The following C11orf68 variants were observed in gnomAD, a reference collection of about 807,000 sequenced individuals.
The protein encoded by C11orf68 is UPF0696 protein C11orf68.
C11orf68 carries 3 observed loss-of-function variants against 4.7 expected under a neutral mutation model. That is an observed-to-expected ratio of 0.64 (90% CI 0.29 to 1.66). The LOEUF (loss-of-function observed/expected upper bound fraction) is 1.66, where lower values mean the gene tolerates loss of function less well. Among genes scored for constraint, C11orf68 ranks in the 40% most tolerant of loss-of-function variants. The pLI, the probability that C11orf68 is intolerant of heterozygous loss-of-function variation, is 0.10. For synonymous variants in C11orf68, 186 were observed against 167.8 expected, an observed-to-expected ratio of 1.11 and a Z score of -0.84; for missense variants, 422 against 408.0, an observed-to-expected ratio of 1.03 and a Z score of -0.30.
At chr11:65,918,475 A>G in intron 1 of C11orf68, 3 of 425,988 alleles carry the variant, frequency 7.0e-6, no homozygotes, top group South Asian at 6.3e-5. Flanking sequence ...GCTGAGAAAA[A>G]GGACTTGCCC....
chr11:65,918,435 T>A, intron 1 of C11orf68: 1 of 498,672 alleles, frequency 2.0e-6, no homozygotes, highest in Non-Finnish European at 3.3e-6. Flanking sequence ...TTATTACTAT[T>A]CTCCTTGACT....
chr11:65,917,867 GCGCAGGGTAC>G lies in C11orf68; in HGVS notation c.464_473del (p.Gly155AlafsTer45). On this transcript the variant is annotated frameshift_variant, in exon 2 of 2. Coordinates refer to ENST00000438576, the MANE Select transcript of C11orf68 (RefSeq NM_001135635.2). LOFTEE classifies it low-confidence loss of function (END_TRUNC). ...GCACGTGGTGGGTGATGGCGAGCTG[GCGCAGGGTAC>G]CCGGTGTGATGGGCCGCCCACTGGT... 1 of 1,611,200 alleles carries G rather than the reference GCGCAGGGTAC, an allele frequency of 6.2e-7. No individual in the cohort carries two copies. Among genetic ancestry groups the G allele is most frequent in the Non-Finnish European group, 8.5e-7 (1 of 1,179,992 alleles).
rs1317348666 is a variant in C11orf68, at chr11:65,918,993, C to T, written c.39G>A (p.Gly13=). The T allele has an allele frequency of 1.7e-6, 2 of 1,167,232 alleles. No individual in the cohort carries two copies. The highest frequency in any genetic ancestry group is 4.8e-5 in the Admixed American group (1 of 21,028). 72.3% of individuals were successfully genotyped at this position (1,167,232 alleles called of 1,614,324 possible). ...GTGGCTCCGCGCCACCGCCACCGCGCCCCACCCCCGCCACGGCCGCCGCCG... is the reference window on the plus strand; with the variant it reads ...GTGGCTCCGCGCCACCGCCACCGCGTCCCACCCCCGCCACGGCCGCCGCCG... ...AAAAAAVAGV[G]RGGGGAEPRQ... is the part of the protein sequence containing the mutation. Residue 13 remains glycine, a synonymous_variant, in exon 1 of 2, where the codon GGG becomes GGA. Coordinates refer to ENST00000438576, the MANE Select transcript of C11orf68 (RefSeq NM_001135635.2).
In C11orf68 at chr11:65,918,236, C is replaced by T. The variant is rs754255448; in HGVS notation, c.123-18G>A. The stretch of plus-strand genomic sequence containing the variant: ...CCATCCTGCTGTGAGGGAACCGAGT[C>T]AGGGCAGGGTCTGAGACAATAACTA... On this transcript the variant is annotated intron_variant, in intron 1 of 1. Transcript: ENST00000438576. 1 of 1,504,552 alleles carries T rather than the reference C, an allele frequency of 6.6e-7. No homozygotes were observed. Among genetic ancestry groups the T allele is most frequent in the South Asian group, 1.3e-5 (1 of 74,438 alleles). 93.2% of individuals were successfully genotyped at this position (1,504,552 alleles called of 1,614,324 possible). A position where few individuals can be genotyped will look rare whatever the true frequency, so the allele number is the denominator to read the frequency against.
chr11:65,917,152 T>A lies in C11orf68; in HGVS notation c.*307A>T. On this transcript the variant is annotated 3_prime_UTR_variant, in exon 2 of 2. Coordinates refer to ENST00000438576, the MANE Select transcript of C11orf68 (RefSeq NM_001135635.2). ...GGGGAGGTATAGCGGGGGATGAGCGTTCCAAGAAGTCTCTCCTTCTAGGTG... is the reference window on the plus strand; with the variant it reads ...GGGGAGGTATAGCGGGGGATGAGCGATCCAAGAAGTCTCTCCTTCTAGGTG... 2.9e-6 allele frequency: 1 copy of A among 347,414 alleles called. No homozygotes were observed. The highest frequency in any genetic ancestry group is 5.3e-6 in the Non-Finnish European group (1 of 189,374). The allele number at this position is 347,414 out of a possible 1,614,324, so 21.5% of individuals were successfully genotyped here.
chr11:65,917,637 C>G lies in C11orf68; in HGVS notation c.704G>C (p.Arg235Pro). The change falls in exon 2 of 2, where the codon CGT becomes CCT. Residue 235 changes from arginine to proline, a missense_variant. Coordinates refer to ENST00000438576, the MANE Select transcript of C11orf68 (RefSeq NM_001135635.2). ...GAGCAGGCACTTAATGCCCGCTGCA[C>G]GGATGGCTGAATCCGCCTCCAGTAC... ...LGVLEADSAI[R>P]AAGIKCLLTY... is the part of the protein sequence containing the mutation. 3 of 1,614,032 alleles carry G rather than the reference C, an allele frequency of 1.9e-6. No individual in the cohort carries two copies. Among genetic ancestry groups the G allele is most frequent in the Non-Finnish European group, 2.5e-6 (3 of 1,180,020 alleles).
chr11:65,918,134 T>G lies in C11orf68; in HGVS notation c.207A>C (p.Ala69=), dbSNP rs1169739420. The G allele has an allele frequency of 1.3e-6, 2 of 1,592,232 alleles. No individual in the cohort carries two copies. Among genetic ancestry groups the G allele is most frequent in the Non-Finnish European group, 1.7e-6 (2 of 1,169,748 alleles). ...EDGFTAEHLA[A]EAMAADMDPW... is the part of the protein sequence containing the mutation. ...GGTCCATGTCAGCTGCCATGGCCTC[T>G]GCAGCCAGGTGCTCGGCGGTGAAGC... Residue 69 remains alanine, a synonymous_variant, in exon 2 of 2, where the codon GCA becomes GCC. Coordinates refer to ENST00000438576, the MANE Select transcript of C11orf68 (RefSeq NM_001135635.2).
rs1246809411 is a variant in C11orf68, at chr11:65,917,352, G to C, written c.*107C>G. 5.2e-6 allele frequency: 7 copies of C among 1,355,792 alleles called. No homozygotes were observed. Among genetic ancestry groups the C allele is most frequent in the Non-Finnish European group, 7.1e-6 (7 of 989,156 alleles). The allele number at this position is 1,355,792 out of a possible 1,614,324, so 84.0% of individuals were successfully genotyped here. A position where few individuals can be genotyped will look rare whatever the true frequency, so the allele number is the denominator to read the frequency against. On this transcript the variant is annotated 3_prime_UTR_variant, in exon 2 of 2. Transcript: ENST00000438576. ...TGCAGGTAGTTCCCAAGTGACCTAGGAGTCCCCAGAGCTGGGGGGTGTGGC... is the reference window on the plus strand; with the variant it reads ...TGCAGGTAGTTCCCAAGTGACCTAGCAGTCCCCAGAGCTGGGGGGTGTGGC...
At chr11:65,918,491 C>CT in intron 1 of C11orf68, 1 of 401,352 alleles carries the variant, frequency 2.5e-6, no homozygotes, top group Non-Finnish European at 4.3e-6. Context: ...TGCCCAAGGT[C>CT]ACACCTGCAG....
chr11:65,917,538 TAG>T lies in C11orf68; in HGVS notation c.801_802del (p.Tyr268Ter). 2 of 1,613,974 alleles carry T rather than the reference TAG, an allele frequency of 1.2e-6. No homozygotes were observed. The highest frequency in any genetic ancestry group is 1.7e-6 in the Non-Finnish European group (2 of 1,179,992). On this transcript the variant is annotated frameshift_variant, in exon 2 of 2. Transcript: ENST00000438576. LOFTEE classifies it low-confidence loss of function (END_TRUNC). ...ACCCCCAAGCTGGAAACGGCTCTCA[TAG>T]AGAGTGGGGCAGAGGTGCCAGCGAT...
chr11:65,918,130 C>T lies in C11orf68; in HGVS notation c.211G>A (p.Ala71Thr). The T allele has an allele frequency of 6.3e-7, 1 of 1,598,842 alleles. No individual in the cohort carries two copies. Among genetic ancestry groups the T allele is most frequent in the Non-Finnish European group, 8.5e-7 (1 of 1,172,622 alleles). ...CAGGGGTCCATGTCAGCTGCCATGG[C>T]CTCTGCAGCCAGGTGCTCGGCGGTG... Reference protein sequence around the residue: ...GFTAEHLAAEAMAADMDPWLV... With the variant: ...GFTAEHLAAETMAADMDPWLV... The change falls in exon 2 of 2, where the codon GCC becomes ACC. Residue 71 changes from alanine to threonine, a missense_variant. By Grantham distance (58) the Ala-to-Thr change is moderately conservative (BLOSUM62 0). Coordinates refer to ENST00000438576, the MANE Select transcript of C11orf68 (RefSeq NM_001135635.2).
rs936323734 is a variant in C11orf68, at chr11:65,918,990, G to A, written c.42C>T (p.Arg14=). ...GCCGTGGCTCCGCGCCACCGCCACC[G>A]CGCCCCACCCCCGCCACGGCCGCCG... ...AAAAAVAGVG[R]GGGGAEPRQE... is the part of the protein sequence containing the mutation. The change falls in exon 1 of 2, where the codon CGC becomes CGT. Residue 14 remains arginine (R), a synonymous_variant. Transcript: ENST00000438576. The A allele has an allele frequency of 4.3e-6, 5 of 1,171,102 alleles. No homozygotes were observed. The highest frequency in any genetic ancestry group is 3.3e-5 in the African/African-American group (2 of 61,342). 72.5% of individuals were successfully genotyped at this position (1,171,102 alleles called of 1,614,324 possible). A position where few individuals can be genotyped will look rare whatever the true frequency, so the allele number is the denominator to read the frequency against.
rs2134829537 is a variant in C11orf68 at position 65,918,183 on chromosome 11, C to T, written c.158G>A (p.Gly53Asp). The change falls in exon 2 of 2, where the codon GGC becomes GAC. Residue 53 changes from glycine (G) to aspartate (D), a missense_variant. Gly to Asp is a moderately conservative substitution (Grantham distance 94). Coordinates refer to ENST00000438576, the MANE Select transcript of C11orf68 (RefSeq NM_001135635.2). ...GCCATCCTCACGGCCACCTGGAGAGCCCTCCTCTTCCAGCTCCTCACCTGG... is the reference window on the plus strand; with the variant it reads ...GCCATCCTCACGGCCACCTGGAGAGTCCTCCTCTTCCAGCTCCTCACCTGG... ...MEPGEELEEEGSPGGREDGFT... is the reference protein window; with the variant it reads ...MEPGEELEEEDSPGGREDGFT... The T allele has an allele frequency of 6.5e-7, 1 of 1,540,382 alleles. No homozygotes were observed.
At position 65,918,954 on chromosome 11, in the gene C11orf68, G is replaced by A. The variant is rs1157993811; in HGVS notation, c.78C>T (p.Ser26=). 5 of 1,223,066 alleles carry A rather than the reference G, an allele frequency of 4.1e-6. No individual in the cohort carries two copies. Among genetic ancestry groups the A allele is most frequent in the Admixed American group, 3.9e-5 (1 of 25,772 alleles). 75.8% of individuals were successfully genotyped at this position (1,223,066 alleles called of 1,614,324 possible). The change falls in exon 1 of 2, where the codon AGC becomes AGT. Residue 26 remains serine (S), a synonymous_variant. Coordinates refer to ENST00000438576, the MANE Select transcript of C11orf68 (RefSeq NM_001135635.2). ...GGGAEPRQER[S]RARGWAGVER... ...CGACGCCGGCCCAGCCCCGGGCCCGGCTCCGCTCCTGCCGTGGCTCCGCGC... is the reference window on the plus strand; with the variant it reads ...CGACGCCGGCCCAGCCCCGGGCCCGACTCCGCTCCTGCCGTGGCTCCGCGC...
chr11:65,917,792 G>A lies in C11orf68; in HGVS notation c.549C>T (p.His183=), dbSNP rs1854479763. The A allele has an allele frequency of 1.2e-6, 2 of 1,612,216 alleles. No individual in the cohort carries two copies. The highest frequency in any genetic ancestry group is 1.3e-5 in the African/African-American group (1 of 74,946). The part of the protein sequence containing the change: ...MHLAPGFKLD[H]AWAGIARAVV... ...CGGCCCGGGCAATGCCAGCCCAGGC[G>A]TGGTCCAGCTTGAAGCCCGGTGCCA... The change falls in exon 2 of 2, where the codon CAC becomes CAT. Residue 183 remains histidine (H), a synonymous_variant. Transcript: ENST00000438576.
chr11:65,918,441 T>G, intron 1 of C11orf68: 1 of 490,084 alleles, frequency 2.0e-6, no homozygotes, highest in Non-Finnish European at 3.4e-6. Context: ...CTATTCTCCT[T>G]GACTTACAGA....
At position 65,918,316 on chromosome 11, in the gene C11orf68, C is replaced by T; in HGVS notation, c.123-98G>A. ...CCTTGAGTAAGAGTTACTGTCGATG[C>T]GCCTCAGTTGCCTCATCTTTACAAT... On this transcript the variant is annotated intron_variant, in intron 1 of 1. Coordinates refer to ENST00000438576, the MANE Select transcript of C11orf68 (RefSeq NM_001135635.2). The T allele has an allele frequency of 3.0e-6, 4 of 1,336,684 alleles. No individual in the cohort carries two copies. The East Asian group carries it at 7.9e-5, about 26-fold the overall frequency. The allele number at this position is 1,336,684 out of a possible 1,614,324, so 82.8% of individuals were successfully genotyped here.
rs773589978 is a variant in C11orf68 at position 65,917,623 on chromosome 11, T to G, written c.718A>C (p.Lys240Gln). ...ADSAIRAAGI[K>Q]CLLTYKPDVY... ...TCAGGCTTGTAGGTGAGCAGGCACT[T>G]AATGCCCGCTGCACGGATGGCTGAA... The change falls in exon 2 of 2, where the codon AAG becomes CAG. Residue 240 changes from lysine to glutamine, a missense_variant. Lys to Gln is a moderately conservative substitution (Grantham distance 53). Transcript: ENST00000438576. 1 of 1,614,052 alleles carries G rather than the reference T, an allele frequency of 6.2e-7. No homozygotes were observed. Among genetic ancestry groups the G allele is most frequent in the South Asian group, 1.1e-5 (1 of 91,086 alleles).
At position 65,917,897 on chromosome 11, in the gene C11orf68, A is replaced by T; in HGVS notation, c.444T>A (p.Ser148Arg). ...LQAAWEALQTSGRPITPGTLR... is the reference protein window; with the variant it reads ...LQAAWEALQTRGRPITPGTLR... ...GGGTACCCGGTGTGATGGGCCGCCCACTGGTCTGCAGAGCTTCCCAGGCTG... is the reference window on the plus strand; with the variant it reads ...GGGTACCCGGTGTGATGGGCCGCCCTCTGGTCTGCAGAGCTTCCCAGGCTG... Residue 148 changes from serine to arginine, a missense_variant, in exon 2 of 2, where the codon AGT becomes AGA. Ser to Arg is a moderately radical substitution (Grantham distance 110). Coordinates refer to ENST00000438576, the MANE Select transcript of C11orf68 (RefSeq NM_001135635.2). 6.2e-7 allele frequency: 1 copy of T among 1,609,704 alleles called. No individual in the cohort carries two copies.
Sources: gnomAD v4.1 joint callset for allele counts on GRCh38, gnomAD v4.1.1 for gene constraint, MANE v1.5 for transcripts, NCBI Gene and HGNC (gene_info 2026-07-23, HGNC 2026-07-21) for gene names.